Variants in USP34 observed in about 807,000 individuals in gnomAD.
The protein encoded by USP34 is ubiquitin specific peptidase 34, also known as ubiquitin carboxyl-terminal hydrolase 34.
In USP34, 70 loss-of-function variants were observed where a neutral mutation model predicts 460.3. That is an observed-to-expected ratio of 0.15 (90% confidence interval 0.13 to 0.19). The LOEUF is 0.19. USP34 is among the 10% of genes least tolerant of loss of function. The pLI is 1.00. For missense variants in USP34, 3,985 were observed against 4,236.2 expected (o/e 0.94, Z 1.65); for synonymous variants, 1,647 against 1,405.3 (o/e 1.17, Z -3.85).
intron 22 of USP34, among the ~76,000 whole-genome samples, chr2:61,318,190 C>G (rs75404757): frequency 9.2e-6 from 1 of 108,182 alleles, no homozygotes; most frequent in African/African-American, 3.8e-5. Context: ...AAGCCCATCT[C>G]AAAAAAAAAA....
chr2:61,320,202 C>G (rs1467392403), intron 21 of USP34, among the ~76,000 whole-genome samples: 1 of 152,186 alleles, frequency 6.6e-6, no homozygotes, highest in Non-Finnish European at 1.5e-5. Flanking sequence ...TGCTCATTTT[C>G]CAACTCGCTT....
intron 1 of USP34, among the ~76,000 whole-genome samples, chr2:61,437,766 C>T (rs1184900888): frequency 1.7e-5 from 1 of 57,994 alleles, no homozygotes; most frequent in African/African-American, 6.6e-5. Context: ...GAGCGAGACT[C>T]CGTCTCAAAA....
intron 2 of USP34, among the ~76,000 whole-genome samples, chr2:61,418,205 G>A (rs773844673): frequency 4.0e-5 from 6 of 151,292 alleles, no homozygotes; most frequent in Admixed American, 6.6e-5. Flanking sequence ...TCAGCCTCCC[G>A]AGTAGCTGGG....
chr2:61,370,458 C>T (rs1692585264), intron 9 of USP34, 40 bp downstream of exon 9: 2 of 1,612,936 alleles, frequency 1.2e-6, no homozygotes, highest in Non-Finnish European at 1.7e-6. Flanking sequence ...ATATTCTTCT[C>T]TATCAATAGA....
chr2:61,437,655 C>T (rs758289219), intron 1 of USP34, among the ~76,000 whole-genome samples: 2 of 152,014 alleles, frequency 1.3e-5, no homozygotes, highest in Non-Finnish European at 2.9e-5. Context: ...CACCTGCAGT[C>T]CCAGCTAGTC....
At position 61,284,886 on chromosome 2, in the gene USP34, A is replaced by G; in HGVS notation, c.4821T>C (p.Asn1607=). 1.2e-6 allele frequency: 2 copies of G among 1,609,332 alleles called. No individual in the cohort carries two copies. The highest frequency in any genetic ancestry group is 1.7e-6 in the Non-Finnish European group (2 of 1,177,922). ...CTTAAAATGCATACCTAGGAGCCAG[A>G]TTATCATACGTATAAGCAACAGACA... The part of the protein sequence containing the change: ...RLMSVAYTYD[N]LAPRVLKAQS... Residue 1607 remains asparagine, a synonymous_variant, in exon 35 of 80, where the codon AAT becomes AAC. Coordinates refer to ENST00000398571, the MANE Select transcript of USP34 (RefSeq NM_014709.4).
intron 39 of USP34, among the ~76,000 whole-genome samples, chr2:61,279,839 T>C (rs938324356): frequency 1.3e-5 from 2 of 152,224 alleles, no homozygotes; most frequent in Non-Finnish European, 1.5e-5. Context: ...AAATTAGATA[T>C]GCAAAAACTG....
At chr2:61,336,610 G>A (rs547325898) in intron 18 of USP34, among the ~76,000 whole-genome samples, 1 of 151,234 alleles carries the variant, frequency 6.6e-6, no homozygotes, top group East Asian at 1.9e-4. Context: ...GGGAGTTCGA[G>A]ACCAGCCTGG....
intron 58 of USP34, among the ~76,000 whole-genome samples, chr2:61,230,510 T>A (rs1380051751): frequency 6.6e-6 from 1 of 151,016 alleles, no homozygotes; most frequent in Non-Finnish European, 1.5e-5. Flanking sequence ...GTTGACAGAG[T>A]GAGACTCCAA....
At chr2:61,422,447 C>T (rs1252605196) in intron 1 of USP34, among the ~76,000 whole-genome samples, 1 of 152,180 alleles carries the variant, frequency 6.6e-6, no homozygotes, top group African/African-American at 2.4e-5. Context: ...TCATTCCATC[C>T]AACCCAGAAC....
chr2:61,208,943 T>G lies in USP34; in HGVS notation c.8875A>C (p.Arg2959=). 1.9e-6 allele frequency: 3 copies of G among 1,596,600 alleles called. No homozygotes were observed. Among genetic ancestry groups the G allele is most frequent in the Non-Finnish European group, 2.6e-6 (3 of 1,171,940 alleles). ...FRILLESDED[R]LLVVFNRGLI... is the part of the protein sequence containing the mutation. Reference sequence around the variant, plus strand: ...CCTCGATTAAATACAACAAGAAGTCTGTCTTCATCAGATTCTAATAGTATT... The same window carrying G: ...CCTCGATTAAATACAACAAGAAGTCGGTCTTCATCAGATTCTAATAGTATT... Residue 2959 remains arginine, a synonymous_variant, in exon 70 of 80, where the codon AGA becomes CGA. Transcript: ENST00000398571.
intron 6 of USP34, 74 bp downstream of exon 6, chr2:61,383,195 A>G: frequency 8.8e-7 from 1 of 1,134,616 alleles, no homozygotes; most frequent in East Asian, 2.7e-5. Flanking sequence ...CTTTCAAACA[A>G]TATAATTCTA....
intron 43 of USP34, among the ~76,000 whole-genome samples, chr2:61,263,155 C>A (rs184741658): frequency 1.2e-3 from 184 of 149,602 alleles, no homozygotes; most frequent in African/African-American, 4.4e-3. Context: ...ACTACAGGCA[C>A]GCACCACCAC....
At chr2:61,315,030 T>A in intron 23 of USP34, 56 bp from the exon 24 acceptor site, 1 of 1,347,570 alleles carries the variant, frequency 7.4e-7, no homozygotes, top group Non-Finnish European at 1.0e-6. Context: ...ATGTAACTCA[T>A]TAAGACTGAA....
intron 3 of USP34, among the ~76,000 whole-genome samples, chr2:61,395,647 G>A (rs1335534656): frequency 2.7e-5 from 4 of 149,008 alleles, no homozygotes; most frequent in East Asian, 3.9e-4. Context: ...TTAGCCGGGC[G>A]CAGTGGCGGG....
intron 33 of USP34, among the ~76,000 whole-genome samples, chr2:61,291,639 T>C (rs765933404): frequency 6.6e-6 from 1 of 152,196 alleles, no homozygotes; most frequent in African/African-American, 2.4e-5. Flanking sequence ...TGCTTATGAA[T>C]GGTCAACAGA....
At chr2:61,328,163 G>A (rs537409746) in intron 20 of USP34, among the ~76,000 whole-genome samples, 2 of 152,060 alleles carry the variant, frequency 1.3e-5, no homozygotes, top group African/African-American at 2.4e-5. Flanking sequence ...CGAGCCGGGT[G>A]CAGTGGCAGG....
intron 3 of USP34, among the ~76,000 whole-genome samples, chr2:61,404,931 A>C (rs1008355516): frequency 1.3e-5 from 2 of 152,166 alleles, no homozygotes; most frequent in Non-Finnish European, 2.9e-5. Context: ...CTTACAAAAG[A>C]AAATACTATT....
chr2:61,429,227 C>G (rs1694595024), intron 1 of USP34, among the ~76,000 whole-genome samples: 1 of 152,018 alleles, frequency 6.6e-6, no homozygotes, highest in Non-Finnish European at 1.5e-5. Flanking sequence ...GCAGGCGGAT[C>G]ACGAGGTCAG....
Sources: gnomAD v4.1 joint callset for allele counts (sites outside exome capture counted in the v4.1 genomes callset) on GRCh38, gnomAD v4.1.1 for gene constraint, MANE v1.5 for transcripts, NCBI Gene and HGNC (gene_info 2026-07-23, HGNC 2026-07-21) for gene names.